Variants in ABCA2 observed in about 807,000 individuals in gnomAD.
ABCA2 encodes ATP binding cassette subfamily A member 2.
In ABCA2, 84 loss-of-function variants were observed where a neutral mutation model predicts 262.8. The ratio of observed to expected loss-of-function variants is 0.32; its 90% CI spans 0.27 to 0.38. The LOEUF is 0.38. Ranked by LOEUF, ABCA2 falls within the 10% of genes least tolerant of loss-of-function variation. The pLI, the probability that ABCA2 is intolerant of heterozygous loss-of-function variation, is 1.00. For missense variants in ABCA2, 2,662 were observed against 3,405.9 expected, an observed-to-expected ratio of 0.78 and a Z score of 5.44; for synonymous variants, 1,696 against 1,502.9, an observed-to-expected ratio of 1.13 and a Z score of -2.97.
Position 137,019,099 on chromosome 9 carries a change from G to C in ABCA2, c.1555-29C>G. On this transcript the variant is annotated intron_variant, in intron 11 of 48. Transcript: ENST00000341511. This position sits in a 1 kb window ranked among gnomAD's most constrained non-coding sequence, Gnocchi z 4.4. ...GGGGTGGAGGGGCGGCTCAGAGGGG[G>C]ACCTGCGCCTGCCGAGCCGGGCAGA... 1 of 1,603,092 alleles carries C rather than the reference G, an allele frequency of 6.2e-7. No homozygotes were observed. Among genetic ancestry groups the C allele is most frequent in the Non-Finnish European group, 8.5e-7 (1 of 1,173,268 alleles).
Position 137,021,016 on chromosome 9 carries a change from G to A in ABCA2, c.943C>T (p.Pro315Ser), listed in dbSNP as rs749535655. 6.7e-7 allele frequency: 1 copy of A among 1,487,882 alleles called. No individual in the cohort carries two copies. The highest frequency in any genetic ancestry group is 1.4e-5 in the African/African-American group (1 of 70,924). The allele number at this position is 1,487,882 out of a possible 1,614,324, so 92.2% of individuals were successfully genotyped here. The change falls in exon 9 of 49, where the codon CCA becomes TCA. Residue 315 changes from proline to serine, a missense_variant. Physicochemically the swap from Pro to Ser is moderately conservative, Grantham distance 74. Around this residue, in one of 12 missense-constraint regions of ABCA2, gnomAD observed 403 missense variants for 375.9 expected, o/e 1.07. Transcript: ENST00000341511. This position sits in a 1 kb window ranked among gnomAD's most constrained non-coding sequence, Gnocchi z 6.0. Reference sequence around the variant, plus strand: ...AGCGCCTGCAGCCTCCGTGGGGGTGGCGCCTGTGGCGAGGAGTCCGAGCCG... The same window carrying A: ...AGCGCCTGCAGCCTCCGTGGGGGTGACGCCTGTGGCGAGGAGTCCGAGCCG... The part of the protein sequence containing the change: ...PNGSDSSPQA[P>S]PPRRLQALLG...
At chr9:137,022,593 T>A in intron 5 of ABCA2, 109 bp downstream of exon 5, 1 of 1,557,348 alleles carries the variant, frequency 6.4e-7, no homozygotes, top group Non-Finnish European at 8.7e-7. Context: ...TGTGCGTGGC[T>A]GGGAACTCAG....
intron 47 of ABCA2, 23 bp from the exon 48 acceptor site, chr9:137,008,645 G>T (rs1239033328): frequency 3.8e-6 from 6 of 1,590,920 alleles, no homozygotes; most frequent in East Asian, 4.5e-5. Context: ...GCAGGCGTGT[G>T]GGGAGGGGGC....
rs532868896 is a variant in ABCA2 at position 137,011,307 on chromosome 9, G to C, written c.5802C>G (p.Asp1934Glu). The change falls in exon 38 of 49, where the codon GAC (aspartate) becomes GAG (glutamate). Residue 1934 changes from aspartate to glutamate, a missense_variant and splice_region_variant. Asp to Glu is a conservative substitution (Grantham distance 45, BLOSUM62 2). This residue lies in a region of ABCA2 where 602 missense variants were observed against 897.4 expected (regional missense o/e 0.67). Coordinates refer to ENST00000341511, the MANE Select transcript of ABCA2 (RefSeq NM_001606.5). The surrounding 1 kb of genome is among the most constrained non-coding windows in gnomAD (Gnocchi z 8.8). ...FLLQLFEHDK[D>E]LKVVNSYLKS... ...TCAGGTAACTGTTGACAACCTTCAG[G>C]TCCTGCGGGGTGGCCGGGGTCAGGG... 6.2e-7 allele frequency: 1 copy of C among 1,611,086 alleles called. No individual in the cohort carries two copies. Among genetic ancestry groups the C allele is most frequent in the African/African-American group, 1.3e-5 (1 of 74,986 alleles).
intron 48 of ABCA2, chr9:137,008,176 C>A: frequency 1.3e-6 from 1 of 796,442 alleles, no homozygotes; most frequent in South Asian, 1.5e-5. Flanking sequence ...TTCCCCGGCT[C>A]TGGTCCCCTC....
In ABCA2 at chr9:137,017,958, G is replaced by A. The variant is rs1271143590; in HGVS notation, c.2096+15C>T. 3 of 1,612,394 alleles carry A rather than the reference G, an allele frequency of 1.9e-6. No individual in the cohort carries two copies. The Admixed American group carries it at 5.0e-5, about 27-fold the overall frequency. On this transcript the variant is annotated intron_variant, in intron 15 of 48. Coordinates refer to ENST00000341511, the MANE Select transcript of ABCA2 (RefSeq NM_001606.5). ...GCCCCAGCCCCAGCCCCAGCCCCGG[G>A]CGCCCAGCACTCACTCATCGCGTGT...
chr9:137,008,039 C>A, intron 48 of ABCA2, 75 bp from the exon 49 acceptor site: 1 of 1,534,968 alleles, frequency 6.5e-7, no homozygotes, highest in Non-Finnish European at 8.8e-7. Flanking sequence ...CTTGTGCTGG[C>A]CCGCCCCGGC....
At chr9:137,012,673 G>A (rs1419447766) in intron 31 of ABCA2, 39 bp downstream of exon 31, 3 of 1,610,456 alleles carry the variant, frequency 1.9e-6, no homozygotes, top group Non-Finnish European at 2.5e-6. Flanking sequence ...GTGGCTGGTG[G>A]CCGGCCACCC....
chr9:137,020,215 A>G lies in ABCA2; in HGVS notation c.1425+121T>C, dbSNP rs375943072. ...CCTGCAGAGCCTGTGTCCCATCCGA[A>G]GCTGCACCCCGTACCCCTCCCGTGT... On this transcript the variant is annotated intron_variant, in intron 10 of 48. Transcript: ENST00000341511. 2.6e-5 allele frequency: 35 copies of G among 1,362,466 alleles called. No homozygotes were observed. In the East Asian group the frequency reaches 6.9e-4, roughly 27 times the overall value. 84.4% of individuals were successfully genotyped at this position (1,362,466 alleles called of 1,614,324 possible). A position where few individuals can be genotyped will look rare whatever the true frequency, so the allele number is the denominator to read the frequency against.
rs1346853025 is a variant in ABCA2, at chr9:137,021,853, C to T, written c.678+38G>A. 1 of 1,530,812 alleles carries T rather than the reference C, an allele frequency of 6.5e-7. No homozygotes were observed. Among genetic ancestry groups the T allele is most frequent in the Non-Finnish European group, 8.9e-7 (1 of 1,124,136 alleles). 94.8% of individuals were successfully genotyped at this position (1,530,812 alleles called of 1,614,324 possible). A position where few individuals can be genotyped will look rare whatever the true frequency, so the allele number is the denominator to read the frequency against. ...GAGCAGAAGCACCCCCAGAGGCAGG[C>T]AGCACTCCAGGCCCATCCCACACAT... On this transcript the variant is annotated intron_variant, in intron 7 of 48. Coordinates refer to ENST00000341511, the MANE Select transcript of ABCA2 (RefSeq NM_001606.5). The surrounding 1 kb of genome is among the most constrained non-coding windows in gnomAD (Gnocchi z 6.0).
Position 137,015,555 on chromosome 9 carries a change from C to T in ABCA2, c.3556G>A (p.Asp1186Asn). ...ATGGCAATGCGGTCCCCAAGCAGGT[C>T]AGCCTCATCCATGTGGTGGGTGGAC... is the stretch of plus-strand genomic sequence containing the variant. ...LLSTHHMDEA[D>N]LLGDRIAIIS... The change falls in exon 24 of 49, where the codon GAC (aspartate) becomes AAC (asparagine). Residue 1186 changes from aspartate (D) to asparagine (N), a missense_variant. Asp to Asn is a conservative substitution (Grantham distance 23, BLOSUM62 1). Around this residue, in one of 12 missense-constraint regions of ABCA2, gnomAD observed 180 missense variants for 307.3 expected, o/e 0.59. Coordinates refer to ENST00000341511, the MANE Select transcript of ABCA2 (RefSeq NM_001606.5). 6.2e-7 allele frequency: 1 copy of T among 1,612,498 alleles called. No homozygotes were observed.
chr9:137,016,895 C>A, intron 19 of ABCA2, 25 bp downstream of exon 19: 1 of 1,607,874 alleles, frequency 6.2e-7, no homozygotes, highest in South Asian at 1.1e-5. Context: ...TGCCTCTCCC[C>A]TGCCCTCCAA....
chr9:137,019,075 G>T lies in ABCA2; in HGVS notation c.1555-5C>A. The T allele has an allele frequency of 6.2e-7, 1 of 1,606,506 alleles. No individual in the cohort carries two copies. Among genetic ancestry groups the T allele is most frequent in the Non-Finnish European group, 8.5e-7 (1 of 1,175,160 alleles). Reference sequence around the variant, plus strand: ...CAGCCGCAGCTCTGCTACATACTTGGGGTGGAGGGGCGGCTCAGAGGGGGA... The same window carrying T: ...CAGCCGCAGCTCTGCTACATACTTGTGGTGGAGGGGCGGCTCAGAGGGGGA... On this transcript the variant is annotated splice_region_variant and splice_polypyrimidine_tract_variant and intron_variant, in intron 11 of 48. Transcript: ENST00000341511. This position sits in a 1 kb window ranked among gnomAD's most constrained non-coding sequence, Gnocchi z 4.4.
At position 137,012,527 on chromosome 9, in the gene ABCA2, G is replaced by C. The variant is rs765038712; in HGVS notation, c.5145C>G (p.Ala1715=). 9.9e-6 allele frequency: 16 copies of C among 1,611,894 alleles called. No individual in the cohort carries two copies. In the African/African-American group the frequency reaches 2.0e-4, roughly 20 times the overall value. ...CCGCGATCTTCCGCACCATGGGTGGGGCCCTGGTGCCAAATGAGGCTGGGA... is the reference window on the plus strand; with the variant it reads ...CCGCGATCTTCCGCACCATGGGTGGCGCCCTGGTGCCAAATGAGGCTGGGA... The part of the protein sequence containing the change: ...KSIPASFGTR[A]PPMVRKIAVR... The change falls in exon 32 of 49, where the codon GCC becomes GCG. Residue 1715 remains alanine, a synonymous_variant. Transcript: ENST00000341511.
At chr9:137,028,262 G>A (rs1476348939), upstream of ABCA2, 14 of 978,062 alleles carry the variant, frequency 1.4e-5, no homozygotes, top group Non-Finnish European at 1.6e-5. The surrounding 1 kb of genome is among the most constrained non-coding windows in gnomAD (Gnocchi z 6.9). Context: ...CGGGCGTCCG[G>A]GACCCGATCC....
rs770105539 is a variant in ABCA2, at chr9:137,022,484, C to G, written c.440-6G>C. The G allele has an allele frequency of 6.2e-7, 1 of 1,610,644 alleles. No individual in the cohort carries two copies. Among genetic ancestry groups the G allele is most frequent in the South Asian group, 1.1e-5 (1 of 90,686 alleles). On this transcript the variant is annotated splice_region_variant and splice_polypyrimidine_tract_variant and intron_variant, in intron 5 of 48. Coordinates refer to ENST00000341511, the MANE Select transcript of ABCA2 (RefSeq NM_001606.5). ...GTCCAGAGAGAAGGAAGACACTGGA[C>G]AGGCAGGAAGGCGAGGCTGAGAGGC... is the stretch of plus-strand genomic sequence containing the variant.
At chr9:137,012,613 C>A (rs1332276120) in intron 31 of ABCA2, 23 bp from the exon 32 acceptor site, 7 of 1,610,324 alleles carry the variant, frequency 4.3e-6, no homozygotes, top group Non-Finnish European at 5.9e-6. Context: ...GTGGGAGGGG[C>A]GGTGAGGCTA....
In ABCA2 at chr9:137,018,236, C is replaced by T; in HGVS notation, c.1935G>A (p.Arg645=). The part of the protein sequence containing the change: ...KTNEIRRAYW[R]PGPNTGGRFY... ...AGCGGCCGCCAGTATTGGGCCCAGGCCGCCAGTAGGCGCGGCGGATCTCGT... is the reference window on the plus strand; with the variant it reads ...AGCGGCCGCCAGTATTGGGCCCAGGTCGCCAGTAGGCGCGGCGGATCTCGT... Residue 645 remains arginine (R), a synonymous_variant, in exon 14 of 49, where the codon CGG becomes CGA. Transcript: ENST00000341511. 2 of 1,611,018 alleles carry T rather than the reference C, an allele frequency of 1.2e-6. No homozygotes were observed. Among genetic ancestry groups the T allele is most frequent in the Admixed American group, 1.7e-5 (1 of 59,814 alleles).
intron 6 of ABCA2, 107 bp downstream of exon 6, chr9:137,022,244 C>CGGTCTG: frequency 7.0e-7 from 1 of 1,419,514 alleles, no homozygotes; most frequent in Admixed American, 2.6e-5. Context: ...AAGGTTCAGA[C>CGGTCTG]GGTCTGGGCG....
Sources: gnomAD v4.1 joint callset for allele counts on GRCh38, gnomAD v4.1.1 for gene constraint, gnomAD v4.1.1 regional missense constraint, Gnocchi (gnomAD v3.1) non-coding constraint, MANE v1.5 for transcripts, NCBI Gene and HGNC (gene_info 2026-07-23, HGNC 2026-07-21) for gene names.